Variants in SGCZ observed in about 807,000 individuals in gnomAD.
The protein encoded by SGCZ is zeta-sarcoglycan.
Under a neutral mutation model 41.3 loss-of-function variants are expected in SGCZ, and 40 were observed. That is an observed-to-expected ratio of 0.97 (90% confidence interval 0.75 to 1.26). The LOEUF is 1.26. SGCZ is among the 50% of genes most tolerant of loss of function. The pLI is 0.00. For missense variants in SGCZ, 552 were observed against 369.8 expected (o/e 1.49, Z -4.04); for synonymous variants, 206 against 137.5 (o/e 1.50, Z -3.49).
intron 1 of SGCZ, chr8:14,878,913 G>C (rs1804471333): frequency 7.3e-6 from 1 of 137,222 alleles, no homozygotes; most frequent in Admixed American, 7.2e-5. Flanking sequence ...TTACAGTTTT[G>C]TTGTTGTTGT....
At chr8:14,645,987 T>C (rs7812889) in intron 1 of SGCZ, among the ~76,000 whole-genome samples, 26,707 of 150,322 alleles carry the variant, frequency 0.18, 2,641 homozygotes, top group South Asian at 0.33. Context: ...AAATTGGAAA[T>C]TCAGAATCTC....
chr8:14,293,568 G>T (rs1310911719), intron 3 of SGCZ, among the ~76,000 whole-genome samples: 1 of 151,890 alleles, frequency 6.6e-6, no homozygotes, highest in Non-Finnish European at 1.5e-5. Context: ...TCTAGGTAGT[G>T]TAATGGGTGG....
At chr8:14,859,194 A>T (rs1803640530) in intron 1 of SGCZ, among the ~76,000 whole-genome samples, 2 of 152,136 alleles carry the variant, frequency 1.3e-5, no homozygotes, top group Non-Finnish European at 2.9e-5. Context: ...CAGATTATTA[A>T]GAGAAACTTA....
intron 5 of SGCZ, among the ~76,000 whole-genome samples, chr8:14,162,330 T>A (rs1375742387): frequency 6.6e-6 from 1 of 152,124 alleles, no homozygotes; most frequent in African/African-American, 2.4e-5. Context: ...GTGTGTAATG[T>A]CCTAGAATTT....
At chr8:14,560,191 G>A (rs1456852952) in intron 1 of SGCZ, among the ~76,000 whole-genome samples, 1 of 152,012 alleles carries the variant, frequency 6.6e-6, no homozygotes. Context: ...CATTTCAAAA[G>A]AGCTAGGAGA....
intron 2 of SGCZ, among the ~76,000 whole-genome samples, chr8:14,355,618 T>G (rs1803267233): frequency 6.6e-6 from 1 of 151,726 alleles, no homozygotes; most frequent in Non-Finnish European, 1.5e-5. Context: ...ACGAGATAAA[T>G]CAAAGATCTT....
At chr8:14,793,878 G>T (rs1016378361) in intron 1 of SGCZ, among the ~76,000 whole-genome samples, 1 of 152,084 alleles carries the variant, frequency 6.6e-6, no homozygotes, top group Admixed American at 6.6e-5. Flanking sequence ...CAATACATGA[G>T]AAATGATGAA....
At chr8:15,147,573 C>T (rs1049624155) in intron 1 of SGCZ, among the ~76,000 whole-genome samples, 2 of 152,164 alleles carry the variant, frequency 1.3e-5, no homozygotes, top group East Asian at 1.9e-4. Context: ...CTGCCGTACC[C>T]GGCTGACACT....
At chr8:14,961,948 T>C (rs1400587127) in intron 1 of SGCZ, among the ~76,000 whole-genome samples, 10 of 152,210 alleles carry the variant, frequency 6.6e-5, no homozygotes, top group Admixed American at 6.5e-4. Flanking sequence ...TGAATACTTT[T>C]CTTATTCCTT....
chr8:14,866,292 C>T (rs1463963535), intron 1 of SGCZ, among the ~76,000 whole-genome samples: 1 of 151,664 alleles, frequency 6.6e-6, no homozygotes, highest in East Asian at 1.9e-4. Flanking sequence ...TTAAAATAAA[C>T]CTTCTCTCGG....
rs569337155 is a variant in SGCZ, at chr8:14,378,712, A to T, written c.235-54508T>A. 5.6e-4 allele frequency among the ~76,000 whole-genome samples: 85 copies of T among 152,260 alleles called. 1 individual carries two copies. Among genetic ancestry groups the T allele is most frequent in the South Asian group, 2.1e-3 (10 of 4,826 alleles). On this transcript the variant is annotated intron_variant, in intron 2 of 7. Coordinates refer to ENST00000382080, the MANE Select transcript of SGCZ (RefSeq NM_139167.4). ...ATCTGCAGTAGGGACAGTCTTGGGGACTGACTGAGCCCTTAACTTGTGGGA... is the reference window on the plus strand; with the variant it reads ...ATCTGCAGTAGGGACAGTCTTGGGGTCTGACTGAGCCCTTAACTTGTGGGA...
At chr8:15,186,539 T>C (rs925757738) in intron 1 of SGCZ, among the ~76,000 whole-genome samples, 4 of 152,190 alleles carry the variant, frequency 2.6e-5, no homozygotes, top group African/African-American at 9.7e-5. Flanking sequence ...TCAGCATATA[T>C]AAAGCATTAC....
intron 1 of SGCZ, among the ~76,000 whole-genome samples, chr8:14,688,823 G>T (rs1808703893): frequency 6.6e-6 from 1 of 152,124 alleles, no homozygotes; most frequent in South Asian, 2.1e-4. Flanking sequence ...AAGTCAAGCT[G>T]TCCCTGTTTG....
rs1347683330 is a variant in SGCZ, at chr8:14,164,671, T to C, written c.456A>G (p.Arg152=). The part of the protein sequence containing the change: ...GADAVEAQCK[R]FEVRASEDGR... ...CATCTTCACTGGCTCTCACTTCAAA[T>C]CTTTTACACTGAGCTTCCACAGCAT... Residue 152 remains arginine (R), a synonymous_variant, in exon 5 of 8, where the codon AGA becomes AGG. Transcript: ENST00000382080. 1 of 1,613,548 alleles carries C rather than the reference T, an allele frequency of 6.2e-7. No homozygotes were observed. The highest frequency in any genetic ancestry group is 2.2e-5 in the East Asian group (1 of 44,862).
At chr8:14,736,204 C>G (rs1339712522) in intron 1 of SGCZ, among the ~76,000 whole-genome samples, 1 of 152,076 alleles carries the variant, frequency 6.6e-6, no homozygotes, top group Non-Finnish European at 1.5e-5. Context: ...GAGGTTCATA[C>G]AGTAAACCAC....
intron 1 of SGCZ, among the ~76,000 whole-genome samples, chr8:14,675,363 T>C (rs567747001): frequency 6.6e-6 from 1 of 152,288 alleles, no homozygotes; most frequent in African/African-American, 2.4e-5. Flanking sequence ...CTTTAGAATG[T>C]ACAACATATA....
chr8:14,553,951 G>A (rs952857744), intron 2 of SGCZ, among the ~76,000 whole-genome samples: 6 of 151,980 alleles, frequency 3.9e-5, no homozygotes, highest in South Asian at 2.1e-4. Context: ...AAGCAGAATG[G>A]TTTAAAAGCA....
At chr8:14,502,693 G>T (rs1270651355) in intron 2 of SGCZ, among the ~76,000 whole-genome samples, 1 of 152,054 alleles carries the variant, frequency 6.6e-6, no homozygotes, top group Non-Finnish European at 1.5e-5. Flanking sequence ...CAATAAACAT[G>T]AAAAAAAGCT....
intron 1 of SGCZ, among the ~76,000 whole-genome samples, chr8:14,775,497 GTGTA>G (rs1800376093): frequency 7.2e-6 from 1 of 138,838 alleles, no homozygotes; most frequent in Non-Finnish European, 1.6e-5. Context: ...GTGTGTGTGT[GTGTA>G]CACAGGGGGG....
Sources: allele counts gnomAD v4.1 joint callset (sites outside exome capture counted in the v4.1 genomes callset), GRCh38; gene constraint gnomAD v4.1.1; transcripts MANE v1.5; gene names NCBI Gene and HGNC (gene_info 2026-07-23, HGNC 2026-07-21).